The following KIF13B variants were observed in gnomAD, a reference collection of about 807,000 sequenced individuals.
KIF13B encodes kinesin family member 13B.
A neutral mutation model predicts 222.0 loss-of-function variants in KIF13B; 127 were observed. The ratio of observed to expected loss-of-function variants is 0.57; its 90% CI spans 0.50 to 0.66. The LOEUF is 0.66. KIF13B is among the 30% of genes least tolerant of loss of function. KIF13B has a pLI of 0.00. For synonymous variants in KIF13B, 976 were observed against 919.0 expected (o/e 1.06, Z -1.12); for missense variants, 2,173 against 2,379.0 (o/e 0.91, Z 1.80).
chr8:29,109,207 T>C (rs1017891848), intron 34 of KIF13B, among the ~76,000 whole-genome samples: 2 of 152,278 alleles, frequency 1.3e-5, no homozygotes, highest in South Asian at 4.1e-4. Context: ...GATCGGAAGA[T>C]AAGAAACACC....
chr8:29,083,924 T>A (rs1384604482), intron 37 of KIF13B, among the ~76,000 whole-genome samples: 2 of 152,168 alleles, frequency 1.3e-5, no homozygotes, highest in Non-Finnish European at 2.9e-5. Context: ...TTTTGTTTGT[T>A]TGTTTTTTAA....
chr8:29,243,517 A>G (rs1403916654), intron 2 of KIF13B, among the ~76,000 whole-genome samples: 5 of 151,478 alleles, frequency 3.3e-5, no homozygotes, highest in Non-Finnish European at 1.5e-5. Context: ...TTAGCCAGGC[A>G]TGGTGGTGCA....
chr8:29,091,494 G>A (rs1377574431), intron 37 of KIF13B, among the ~76,000 whole-genome samples: 1 of 152,180 alleles, frequency 6.6e-6, no homozygotes, highest in Non-Finnish European at 1.5e-5. Context: ...CCACAGACAG[G>A]CACTTATAAA....
At chr8:29,176,832 C>A (rs1477627085) in intron 9 of KIF13B, among the ~76,000 whole-genome samples, 2 of 151,812 alleles carry the variant, frequency 1.3e-5, no homozygotes, top group Non-Finnish European at 1.5e-5. Context: ...TCAAGCACCT[C>A]AACAAAACCT....
intron 35 of KIF13B, among the ~76,000 whole-genome samples, chr8:29,103,005 A>G (rs183248753): frequency 1.0e-3 from 156 of 152,250 alleles, no homozygotes; most frequent in African/African-American, 3.7e-3. Context: ...CACTTTGGGA[A>G]GCCAAGGCAG....
chr8:29,246,210 C>T (rs539925667), intron 1 of KIF13B, among the ~76,000 whole-genome samples: 1 of 152,160 alleles, frequency 6.6e-6, no homozygotes, highest in South Asian at 2.1e-4. Context: ...AACCCTGTCT[C>T]TACTAAAAAT....
intron 2 of KIF13B, among the ~76,000 whole-genome samples, chr8:29,209,941 A>T (rs1814137978): frequency 6.6e-6 from 1 of 151,436 alleles, no homozygotes; most frequent in Non-Finnish European, 1.5e-5. Context: ...CTGTATTCTC[A>T]GCTACTCAGG....
chr8:29,197,202 T>C (rs1428822899), intron 2 of KIF13B, among the ~76,000 whole-genome samples: 1 of 150,228 alleles, frequency 6.7e-6, no homozygotes, highest in Non-Finnish European at 1.5e-5. Flanking sequence ...CCGGGCGTAG[T>C]GGCGGGCGCC....
At position 29,148,600 on chromosome 8, in the gene KIF13B, G is replaced by A. The variant is rs1280810583; in HGVS notation, c.1790C>T (p.Thr597Ile). ...FNYEYAQMEV[T>I]MKALGSNDPM... is the part of the protein sequence containing the mutation. ...ACCATTGCTGCCCAGGGCCTTCATG[G>A]TGACCTCCATCTGTGCGTATTCGTA... is the stretch of plus-strand genomic sequence containing the variant. Residue 597 changes from threonine to isoleucine, a missense_variant, in exon 16 of 40, where the codon ACC becomes ATC. Around this residue, in one of 2 missense-constraint regions of KIF13B, gnomAD observed 1,480 missense variants for 1,722.8 expected, o/e 0.86. Coordinates refer to ENST00000524189, the MANE Select transcript of KIF13B (RefSeq NM_015254.4). 2.5e-6 allele frequency: 4 copies of A among 1,608,828 alleles called. No individual in the cohort carries two copies. The highest frequency in any genetic ancestry group is 3.4e-6 in the Non-Finnish European group (4 of 1,177,594).
chr8:29,187,788 T>C (rs966027981), intron 5 of KIF13B, among the ~76,000 whole-genome samples: 4 of 152,218 alleles, frequency 2.6e-5, no homozygotes, highest in African/African-American at 9.6e-5. Context: ...CCACATTTCC[T>C]AAGTACCAGG....
intron 37 of KIF13B, among the ~76,000 whole-genome samples, chr8:29,087,424 G>A (rs924520260): frequency 1.3e-5 from 2 of 152,160 alleles, no homozygotes; most frequent in South Asian, 4.1e-4. Flanking sequence ...GATATCCTGG[G>A]AATGTTAAAA....
chr8:29,092,794 G>C lies in KIF13B; in HGVS notation c.4409C>G (p.Pro1470Arg). 6.2e-7 allele frequency: 1 copy of C among 1,613,426 alleles called. No homozygotes were observed. The highest frequency in any genetic ancestry group is 2.2e-5 in the East Asian group (1 of 44,864). Residue 1470 changes from proline (P) to arginine (R), a missense_variant, in exon 37 of 40, where the codon CCC (proline) becomes CGC (arginine). Physicochemically the swap from Pro to Arg is moderately radical, Grantham distance 103. This residue lies in a region of KIF13B where 693 missense variants were observed against 656.2 expected (regional missense o/e 1.06). Transcript: ENST00000524189. ...QMPKLLKSLF[P>R]VRDEKRGKRP... ...CTTGCCCCTCTTCTCATCGCGGACG[G>C]GAAAGAGAGACTTGAGGAGCTTTGG...
intron 2 of KIF13B, among the ~76,000 whole-genome samples, chr8:29,230,127 T>C (rs1815220061): frequency 6.6e-6 from 1 of 152,136 alleles, no homozygotes; most frequent in Admixed American, 6.5e-5. Context: ...CATATCACAG[T>C]GTTATCACCT....
At chr8:29,197,937 A>G (rs978122337) in intron 2 of KIF13B, among the ~76,000 whole-genome samples, 10 of 152,264 alleles carry the variant, frequency 6.6e-5, no homozygotes, top group African/African-American at 2.4e-4. Flanking sequence ...CCCTTCTCAG[A>G]GGATCAAAAC....
chr8:29,109,377 A>G, intron 34 of KIF13B, 57 bp downstream of exon 34: 2 of 1,344,394 alleles, frequency 1.5e-6, no homozygotes, highest in Non-Finnish European at 2.1e-6. Flanking sequence ...TTACCCAAGA[A>G]AAGAGGAGAG....
At chr8:29,098,985 G>A in intron 36 of KIF13B, 148 bp downstream of exon 36, 4 of 694,614 alleles carry the variant, frequency 5.8e-6, no homozygotes, top group Non-Finnish European at 7.7e-6. Context: ...CAGAGCCAAT[G>A]GAACTCAACC....
chr8:29,151,554 G>GA (rs2130028830), intron 14 of KIF13B, among the ~76,000 whole-genome samples: 1 of 152,288 alleles, frequency 6.6e-6, no homozygotes, highest in East Asian at 1.9e-4. Flanking sequence ...TGACCATTCT[G>GA]AAAATCCTAG....
In KIF13B at chr8:29,108,117, T is replaced by C. The variant is rs754548961; in HGVS notation, c.4215+22A>G. On this transcript the variant is annotated intron_variant, in intron 35 of 39. Coordinates refer to ENST00000524189, the MANE Select transcript of KIF13B (RefSeq NM_015254.4). The stretch of plus-strand genomic sequence containing the variant: ...TGGGAAATGGGACTTAAAACACTGA[T>C]AGAAATAGTTAAAACACCTACCTTG... The C allele has an allele frequency of 1.1e-5, 18 of 1,594,626 alleles. 1 individual carries two copies. Among genetic ancestry groups the C allele is most frequent in the South Asian group, 5.7e-5 (5 of 88,374 alleles).
chr8:29,203,308 A>G (rs1460678054), intron 2 of KIF13B, among the ~76,000 whole-genome samples: 2 of 152,178 alleles, frequency 1.3e-5, no homozygotes, highest in African/African-American at 4.8e-5. Flanking sequence ...CAGGGCTTTC[A>G]TACATGACTA....
Sources: allele counts gnomAD v4.1 joint callset (sites outside exome capture counted in the v4.1 genomes callset), GRCh38; gene constraint gnomAD v4.1.1; regional missense constraint gnomAD v4.1.1; transcripts MANE v1.5; gene names NCBI Gene and HGNC (gene_info 2026-07-23, HGNC 2026-07-21).